The following RGS16 variants were observed in gnomAD, a reference collection of about 807,000 sequenced individuals.
RGS16 encodes the protein regulator of G protein signaling 16, also known as hRGS-r.
In RGS16, 12 loss-of-function variants were observed where a neutral mutation model predicts 18.1. That is an observed-to-expected ratio of 0.66 (90% CI 0.42 to 1.07). The LOEUF (loss-of-function observed/expected upper bound fraction) is 1.07. Among genes scored for constraint, RGS16 ranks in the 50% least tolerant of loss-of-function variants. RGS16 has a pLI of 0.00. For synonymous variants in RGS16, 88 were observed against 102.0 expected (o/e 0.86, Z 0.83); for missense variants, 238 against 249.2 (o/e 0.95, Z 0.30).
Position 182,598,734 on chromosome 1 carries a change from A to G in RGS16, c.*1558T>C, listed in dbSNP as rs1486604255. 6.6e-6 allele frequency: 1 copy of G among 152,642 alleles called. No individual in the cohort carries two copies. Among genetic ancestry groups the G allele is most frequent in the Non-Finnish European group, 1.5e-5 (1 of 68,034 alleles). 9.5% of individuals were successfully genotyped at this position (152,642 alleles called of 1,614,324 possible). ...AAACCAGCTCCATTTGTCACAATAA[A>G]TAAATATTTAAACAGTGAGGAGTTC... On this transcript the variant is annotated 3_prime_UTR_variant, in exon 5 of 5. Transcript: ENST00000367558.
rs1288067722 is a variant in RGS16 at position 182,602,457 on chromosome 1, C to T, written c.183G>A (p.Gly61=). The T allele has an allele frequency of 6.2e-7, 1 of 1,613,784 alleles. No individual in the cohort carries two copies. Among genetic ancestry groups the T allele is most frequent in the African/African-American group, 1.3e-5 (1 of 74,946 alleles). The change falls in exon 3 of 5, where the codon GGG becomes GGA. Residue 61 remains glycine, a synonymous_variant. Coordinates refer to ENST00000367558, the MANE Select transcript of RGS16 (RefSeq NM_002928.4). ...GCAGCAGGTCGAACGACTCTCTCCA[C>T]CCCAGCACATCTTCTGAGAAGTTTC... ...ENRNFSEDVL[G]WRESFDLLLS...
chr1:182,598,982 C>T lies in RGS16; in HGVS notation c.*1310G>A, dbSNP rs1021747041. On this transcript the variant is annotated 3_prime_UTR_variant, in exon 5 of 5. Transcript: ENST00000367558. The stretch of plus-strand genomic sequence containing the variant: ...TAATCTCCTGGAGGAGCTCATGGTA[C>T]AGAGAGAACAGTGTTGATTATCCTG... 4.6e-5 allele frequency: 7 copies of T among 152,736 alleles called. No homozygotes were observed. The highest frequency in any genetic ancestry group is 1.7e-4 in the African/African-American group (7 of 41,586). 9.5% of individuals were successfully genotyped at this position (152,736 alleles called of 1,614,324 possible).
Position 182,600,185 on chromosome 1 carries a change from C to CT in RGS16, c.*106_*107insA. ...TTTTTTTTTTTTTTTTTTTTTTTGT[C>CT]CTCTTGCACTTGCTTTGCAGAACCT... On this transcript the variant is annotated 3_prime_UTR_variant, in exon 5 of 5. Coordinates refer to ENST00000367558, the MANE Select transcript of RGS16 (RefSeq NM_002928.4). The CT allele has an allele frequency of 4.9e-6, 1 of 205,138 alleles. No individual in the cohort carries two copies. The highest frequency in any genetic ancestry group is 8.1e-6 in the Non-Finnish European group (1 of 123,714). 12.7% of individuals were successfully genotyped at this position (205,138 alleles called of 1,614,324 possible). A position where few individuals can be genotyped will look rare whatever the true frequency, so the allele number is the denominator to read the frequency against.
intron 4 of RGS16, among the ~76,000 whole-genome samples, chr1:182,601,474 G>A (rs949052810): frequency 1.3e-5 from 2 of 152,158 alleles, no homozygotes; most frequent in Non-Finnish European, 2.9e-5. Flanking sequence ...CAAAAATAAG[G>A]TACAAAAGTA....
intron 1 of RGS16, among the ~76,000 whole-genome samples, chr1:182,603,634 G>A (rs1360277017): frequency 6.6e-6 from 1 of 152,146 alleles, no homozygotes; most frequent in African/African-American, 2.4e-5. Flanking sequence ...CTTCGTGCCT[G>A]TTGATTCAGA....
At chr1:182,601,875 A>G in intron 4 of RGS16, 91 bp downstream of exon 4, 1 of 1,512,052 alleles carries the variant, frequency 6.6e-7, no homozygotes, top group Non-Finnish European at 9.2e-7. Context: ...CTACCTCTAC[A>G]CCTAGCCCTT....
intron 2 of RGS16, 23 bp from the exon 3 acceptor site, chr1:182,602,507 AAG>A (rs1261781784): frequency 6.3e-7 from 1 of 1,598,036 alleles, no homozygotes; most frequent in East Asian, 2.2e-5. Flanking sequence ...AAGAAAAAAA[AAG>A]AGTAAGAAAA....
intron 4 of RGS16, among the ~76,000 whole-genome samples, chr1:182,601,664 T>A (rs2102380802): frequency 6.6e-6 from 1 of 152,312 alleles, no homozygotes; most frequent in Non-Finnish European, 1.5e-5. Context: ...GCTGACCTTG[T>A]CTCCCCAGTT....
Position 182,603,296 on chromosome 1 carries a change from A to G in RGS16, c.88T>C (p.Ser30Pro). 1 of 1,614,094 alleles carries G rather than the reference A, an allele frequency of 6.2e-7. No homozygotes were observed. Reference sequence around the variant, plus strand: ...CTCCCAGTATCGCAGCCCAGCTCTGATTTGTGAAGAAAGATCCCCAGACGT... The same window carrying G: ...CTCCCAGTATCGCAGCCCAGCTCTGGTTTGTGAAGAAAGATCCCCAGACGT... The part of the protein sequence containing the change: ...KTRLGIFLHK[S>P]ELGCDTGSTG... Residue 30 changes from serine to proline, a missense_variant, in exon 2 of 5, where the codon TCA becomes CCA. Transcript: ENST00000367558.
At chr1:182,604,121 C>T in intron 1 of RGS16, 95 bp downstream of exon 1, 1 of 1,304,414 alleles carries the variant, frequency 7.7e-7, no homozygotes, top group East Asian at 2.6e-5. Context: ...CCTCTAGCGC[C>T]CCATCCCCGC....
At chr1:182,602,992 G>C (rs1661892099) in intron 2 of RGS16, among the ~76,000 whole-genome samples, 1 of 152,192 alleles carries the variant, frequency 6.6e-6, no homozygotes, top group Non-Finnish European at 1.5e-5. Context: ...TGGGAACTAG[G>C]CATTCATGCC....
chr1:182,603,210 G>A lies in RGS16; in HGVS notation c.155+19C>T. 9 of 1,560,894 alleles carry A rather than the reference G, an allele frequency of 5.8e-6. No homozygotes were observed. Among genetic ancestry groups the A allele is most frequent in the East Asian group, 2.2e-5 (1 of 44,616 alleles). ...ACTCCCTTCCCTCTCGGAGCCCTGAGCTGGTCAGCAACACTTACTTCTCTT... is the reference window on the plus strand; with the variant it reads ...ACTCCCTTCCCTCTCGGAGCCCTGAACTGGTCAGCAACACTTACTTCTCTT... On this transcript the variant is annotated intron_variant, in intron 2 of 4. Transcript: ENST00000367558.
At chr1:182,601,499 T>C (rs1191121237) in intron 4 of RGS16, among the ~76,000 whole-genome samples, 1 of 152,232 alleles carries the variant, frequency 6.6e-6, no homozygotes. Context: ...ATTACTCTTA[T>C]CTTTCCACCA....
Position 182,600,176 on chromosome 1 carries a change from TTTTTTTG to T in RGS16, c.*109_*115del. 2 of 514,760 alleles carry T rather than the reference TTTTTTTG, an allele frequency of 3.9e-6. No individual in the cohort carries two copies. The highest frequency in any genetic ancestry group is 3.8e-5 in the East Asian group (1 of 26,326). 31.9% of individuals were successfully genotyped at this position (514,760 alleles called of 1,614,324 possible). ...AGCGCATTTTTTTTTTTTTTTTTTT[TTTTTTTG>T]TCCTCTTGCACTTGCTTTGCAGAAC... On this transcript the variant is annotated 3_prime_UTR_variant, in exon 5 of 5. Transcript: ENST00000367558.
At chr1:182,602,341 C>G (rs1306857848) in intron 3 of RGS16, 79 bp downstream of exon 3, 1 of 1,296,226 alleles carries the variant, frequency 7.7e-7, no homozygotes, top group African/African-American at 1.5e-5. Context: ...CCCAGGCTCT[C>G]AGCAGTCCTG....
intron 3 of RGS16, 63 bp downstream of exon 3, chr1:182,602,357 G>C (rs571430069): frequency 3.9e-4 from 555 of 1,420,044 alleles, no homozygotes; most frequent in Non-Finnish European, 5.3e-4. Flanking sequence ...TCCTGGGGCT[G>C]GCTCCAAAGC....
Position 182,603,277 on chromosome 1 carries a change from G to A in RGS16, c.107C>T (p.Thr36Ile), listed in dbSNP as rs2102381770. 1.9e-6 allele frequency: 3 copies of A among 1,614,140 alleles called. No homozygotes were observed. The highest frequency in any genetic ancestry group is 2.2e-5 in the East Asian group (1 of 44,884). The change falls in exon 2 of 5, where the codon ACT (threonine) becomes ATT (isoleucine). Residue 36 changes from threonine to isoleucine, a missense_variant. Coordinates refer to ENST00000367558, the MANE Select transcript of RGS16 (RefSeq NM_002928.4). ...CCACTCGAACTTGCCAGTACTCCCA[G>A]TATCGCAGCCCAGCTCTGATTTGTG... Reference protein sequence around the residue: ...FLHKSELGCDTGSTGKFEWGS... With the variant: ...FLHKSELGCDIGSTGKFEWGS...
rs769963318 is a variant in RGS16, at chr1:182,602,401, A to G, written c.220+19T>C. ...ACACATGTGCCACCCAGAGACAGAC[A>G]CAAAAGGCTCCTACTCACTTTTACT... On this transcript the variant is annotated intron_variant, in intron 3 of 4. Transcript: ENST00000367558. The G allele has an allele frequency of 1.2e-6, 2 of 1,611,908 alleles. No individual in the cohort carries two copies. The highest frequency in any genetic ancestry group is 1.7e-5 in the Admixed American group (1 of 59,988).
At position 182,604,253 on chromosome 1, in the gene RGS16, G is replaced by A; in HGVS notation, c.7C>T (p.Arg3Cys). The A allele has an allele frequency of 6.4e-7, 1 of 1,551,148 alleles. No homozygotes were observed. The highest frequency in any genetic ancestry group is 1.4e-5 in the African/African-American group (1 of 73,190). The change falls in exon 1 of 5, where the codon CGC (arginine) becomes TGC (cysteine). Residue 3 changes from arginine to cysteine, a missense_variant. Coordinates refer to ENST00000367558, the MANE Select transcript of RGS16 (RefSeq NM_002928.4). MC[R>C]TLAAFPTTCL... Reference sequence around the variant, plus strand: ...GTGGTGGGGAAGGCGGCCAGGGTGCGGCACATGGCTGCGGGCGCAGGGCAG... The same window carrying A: ...GTGGTGGGGAAGGCGGCCAGGGTGCAGCACATGGCTGCGGGCGCAGGGCAG...
Sources: gnomAD v4.1 joint callset for allele counts (sites outside exome capture counted in the v4.1 genomes callset) on GRCh38, gnomAD v4.1.1 for gene constraint, MANE v1.5 for transcripts, NCBI Gene and HGNC (gene_info 2026-07-23, HGNC 2026-07-21) for gene names.